NIPAL2: variants seen among roughly 807,000 people sequenced by gnomAD.
NIPAL2 encodes NIPA-like protein 2.
Under a neutral mutation model 48.9 loss-of-function variants are expected in NIPAL2, and 43 were observed. The observed-to-expected ratio is 0.88, with a 90% CI of 0.69 to 1.13. NIPAL2 has a LOEUF of 1.13. Among genes scored for constraint, NIPAL2 ranks in the 50% most tolerant of loss-of-function variants. The probability of loss-of-function intolerance (pLI) is 0.00; values close to 1 mark genes in which losing one functional copy is unlikely to be tolerated. For missense variants in NIPAL2, 446 were observed against 461.4 expected (o/e 0.97, Z 0.31); for synonymous variants, 167 against 174.6 (o/e 0.96, Z 0.34).
Position 98,220,779 on chromosome 8 carries a change from C to T in NIPAL2, c.558+1700G>A, listed in dbSNP as rs116320985. On this transcript the variant is annotated intron_variant, in intron 5 of 10. Coordinates refer to ENST00000430223, the MANE Select transcript of NIPAL2 (RefSeq NM_001321635.2). Reference sequence around the variant, plus strand: ...GGTTAAATACTCAGCTAGACTATCCCAGTTTTCTTCTTATTACATACCCTT... The same window carrying T: ...GGTTAAATACTCAGCTAGACTATCCTAGTTTTCTTCTTATTACATACCCTT... Among the ~76,000 whole-genome samples, 120 of 152,136 alleles carry T rather than the reference C, an allele frequency of 7.9e-4. 1 individual carries two copies. The highest frequency in any genetic ancestry group is 2.8e-3 in the African/African-American group (118 of 41,536).
chr8:98,238,795 A>C (rs150479137), intron 3 of NIPAL2, among the ~76,000 whole-genome samples: 12 of 152,322 alleles, frequency 7.9e-5, no homozygotes, highest in Non-Finnish European at 1.8e-4. Context: ...TTTTCTGTAG[A>C]TAAACTAATG....
chr8:98,219,887 C>T (rs1811765175), intron 5 of NIPAL2, among the ~76,000 whole-genome samples: 1 of 152,160 alleles, frequency 6.6e-6, no homozygotes, highest in African/African-American at 2.4e-5. Context: ...TCCTTTGACC[C>T]ACAGCCCCAT....
At chr8:98,278,474 T>G (rs1459815662) in intron 1 of NIPAL2, among the ~76,000 whole-genome samples, 2 of 152,182 alleles carry the variant, frequency 1.3e-5, no homozygotes, top group Non-Finnish European at 2.9e-5. Flanking sequence ...ATCTCTTCTA[T>G]ATTTTCTAAC....
chr8:98,249,001 C>T (rs933027087), intron 3 of NIPAL2, among the ~76,000 whole-genome samples: 10 of 152,072 alleles, frequency 6.6e-5, no homozygotes, highest in Non-Finnish European at 1.5e-4. Flanking sequence ...AATGTGACTG[C>T]CTGTGAGCTT....
intron 3 of NIPAL2, among the ~76,000 whole-genome samples, chr8:98,243,324 T>C (rs1223147821): frequency 6.6e-6 from 1 of 152,154 alleles, no homozygotes; most frequent in African/African-American, 2.4e-5. Flanking sequence ...AAACGTACAC[T>C]TGGGCATTTG....
intron 6 of NIPAL2, among the ~76,000 whole-genome samples, chr8:98,205,548 G>A (rs1244049888): frequency 6.6e-6 from 1 of 151,984 alleles, no homozygotes; most frequent in East Asian, 1.9e-4. Context: ...TGCTGTGGAG[G>A]TTATAATTAC....
chr8:98,222,391 A>G (rs1811937105), intron 5 of NIPAL2, 88 bp downstream of exon 5: 3 of 1,345,994 alleles, frequency 2.2e-6, no homozygotes, highest in African/African-American at 1.5e-5. Flanking sequence ...AGTGCTGGTA[A>G]GGAAAAGATT....
chr8:98,223,094 T>G (rs1811988306), intron 4 of NIPAL2, among the ~76,000 whole-genome samples: 1 of 152,202 alleles, frequency 6.6e-6, no homozygotes, highest in Admixed American at 6.5e-5. Flanking sequence ...TCAGGTGATT[T>G]AACAATTTGA....
chr8:98,241,126 G>A (rs1329551507), intron 3 of NIPAL2, among the ~76,000 whole-genome samples: 2 of 152,162 alleles, frequency 1.3e-5, no homozygotes, highest in Non-Finnish European at 2.9e-5. Context: ...AGATGACCAT[G>A]GTCTATGTGT....
chr8:98,202,466 G>T (rs1054545254), intron 8 of NIPAL2, among the ~76,000 whole-genome samples: 4 of 152,184 alleles, frequency 2.6e-5, no homozygotes, highest in Admixed American at 1.3e-4. Flanking sequence ...AGGTGTGTGG[G>T]TCCTGAGGGT....
At chr8:98,208,218 C>G (rs1204518799) in intron 6 of NIPAL2, among the ~76,000 whole-genome samples, 1 of 152,194 alleles carries the variant, frequency 6.6e-6, no homozygotes, top group Non-Finnish European at 1.5e-5. Flanking sequence ...TAGAACAACA[C>G]CATTTTTTCT....
intron 1 of NIPAL2, among the ~76,000 whole-genome samples, chr8:98,274,640 A>G (rs777395961): frequency 1.4e-4 from 21 of 151,886 alleles, no homozygotes; most frequent in Non-Finnish European, 2.8e-4. Flanking sequence ...TTCCTCCATC[A>G]CTTTACTTTC....
intron 6 of NIPAL2, among the ~76,000 whole-genome samples, chr8:98,209,428 G>C (rs971783626): frequency 8.2e-6 from 1 of 122,146 alleles, no homozygotes; most frequent in African/African-American, 3.2e-5. Context: ...GGGCAGCATG[G>C]GGATACCCTG....
intron 10 of NIPAL2, chr8:98,193,334 A>G (rs2130675527): frequency 6.2e-7 from 1 of 1,602,422 alleles, no homozygotes; most frequent in Non-Finnish European, 8.6e-7. Flanking sequence ...CATGCTGGCC[A>G]TGGAAATCAG....
intron 1 of NIPAL2, among the ~76,000 whole-genome samples, chr8:98,274,968 AT>A (rs1815374547): frequency 6.6e-6 from 1 of 151,980 alleles, no homozygotes; most frequent in Non-Finnish European, 1.5e-5. Context: ...AAGTACTGCT[AT>A]TTTTTTAAAC....
intron 1 of NIPAL2, among the ~76,000 whole-genome samples, chr8:98,280,976 A>T (rs1007184334): frequency 1.3e-5 from 2 of 151,896 alleles, no homozygotes; most frequent in Non-Finnish European, 2.9e-5. Context: ...GGATTTATTT[A>T]AAAATAGAGT....
intron 1 of NIPAL2, among the ~76,000 whole-genome samples, chr8:98,279,357 T>C (rs1158212082): frequency 6.6e-6 from 1 of 152,252 alleles, no homozygotes; most frequent in Admixed American, 6.5e-5. Flanking sequence ...ATCATTTGCA[T>C]ACATTGAGCA....
intron 6 of NIPAL2, among the ~76,000 whole-genome samples, chr8:98,205,542 G>A (rs571195063): frequency 1.2e-4 from 19 of 152,082 alleles, no homozygotes; most frequent in Admixed American, 4.6e-4. Flanking sequence ...AAAGAATGCT[G>A]TGGAGGTTAT....
chr8:98,270,168 T>C (rs2076763923), intron 1 of NIPAL2, among the ~76,000 whole-genome samples: 1 of 152,130 alleles, frequency 6.6e-6, no homozygotes. Flanking sequence ...ATCTTTTTGG[T>C]AGAACAATTT....
Sources: allele counts gnomAD v4.1 joint callset (sites outside exome capture counted in the v4.1 genomes callset), GRCh38; gene constraint gnomAD v4.1.1; transcripts MANE v1.5; gene names NCBI Gene and HGNC (gene_info 2026-07-23, HGNC 2026-07-21).